The following CHIC1 variants were observed in gnomAD, a reference collection of about 807,000 sequenced individuals.
The protein encoded by CHIC1 is cysteine rich hydrophobic domain 1, also known as cysteine-rich hydrophobic domain-containing protein 1.
In CHIC1, 7 loss-of-function variants were observed where a neutral mutation model predicts 18.5. The ratio of observed to expected loss-of-function variants is 0.38; its 90% CI spans 0.22 to 0.71. CHIC1 has a LOEUF of 0.71. Ranked by LOEUF, CHIC1 falls within the 30% of genes least tolerant of loss-of-function variation. The probability of loss-of-function intolerance (pLI) is 0.49; values close to 1 mark genes in which losing one functional copy is unlikely to be tolerated. For synonymous variants in CHIC1, 77 were observed against 73.5 expected, an observed-to-expected ratio of 1.05 and a Z score of -0.25; for missense variants, 159 against 176.9, an observed-to-expected ratio of 0.90 and a Z score of 0.57.
intron 5 of CHIC1, 50 bp downstream of exon 5, chrX:73,679,763 C>A: frequency 2.9e-6 from 2 of 680,797 alleles, no homozygotes; most frequent in Non-Finnish European, 2.1e-6. Context: ...CTAAATGTAC[C>A]ATTTTCCTGT....
chrX:73,644,172 C>T (rs2057874545), intron 3 of CHIC1, among the ~76,000 whole-genome samples: 1 of 112,217 alleles, frequency 8.9e-6, no homozygotes, highest in Non-Finnish European at 1.9e-5. Flanking sequence ...GCGGTGGCTG[C>T]AGAACAGCGG....
rs764200010 is a variant in CHIC1, at chrX:73,608,471, G to A, written c.507+23899G>A. On this transcript the variant is annotated intron_variant, in intron 3 of 5. Coordinates refer to ENST00000373502, the MANE Select transcript of CHIC1 (RefSeq NM_001039840.4). ...ATTCTGATAGGGATTACATTCAATC[G>A]GTACATTTTTCGGGGGTAGTATTGT... Among the ~76,000 whole-genome samples the A allele has an allele frequency of 3.5e-4, 38 of 107,643 alleles. 5 individuals are homozygous for A. The highest frequency in any genetic ancestry group is 1.9e-3 in the South Asian group (5 of 2,601). 93.5% of individuals were successfully genotyped at this position (107,643 alleles called of 115,157 possible).
chrX:73,581,706 T>A (rs1447003447), intron 2 of CHIC1, among the ~76,000 whole-genome samples: 1 of 110,834 alleles, frequency 9.0e-6, no homozygotes, highest in African/African-American at 3.3e-5. Context: ...TCAAAAAAAA[T>A]TTGAATTCTC....
chrX:73,596,548 C>T (rs2057609943), intron 3 of CHIC1, among the ~76,000 whole-genome samples: 1 of 111,353 alleles, frequency 9.0e-6, no homozygotes, highest in South Asian at 3.7e-4. Flanking sequence ...ATATAGAACT[C>T]AAAAAGAGCC....
chrX:73,610,223 G>A (rs771021213), intron 3 of CHIC1, among the ~76,000 whole-genome samples: 1 of 109,261 alleles, frequency 9.2e-6, no homozygotes, highest in South Asian at 3.7e-4. Flanking sequence ...TTTTTTAATA[G>A]CAGTTTTTGT....
intron 3 of CHIC1, among the ~76,000 whole-genome samples, chrX:73,672,077 G>A (rs1164316221): frequency 9.0e-6 from 1 of 111,454 alleles, no homozygotes; most frequent in African/African-American, 3.3e-5. Context: ...GTTCATCCAT[G>A]TCCCTACATA....
In CHIC1 at chrX:73,623,839, G is replaced by A. The variant is rs754131666; in HGVS notation, c.507+39267G>A. Among the ~76,000 whole-genome samples the A allele has an allele frequency of 5.4e-5, 6 of 111,451 alleles. No individual in the cohort carries two copies. In the East Asian group the frequency reaches 1.7e-3, roughly 31 times the overall value. On this transcript the variant is annotated intron_variant, in intron 3 of 5. Coordinates refer to ENST00000373502, the MANE Select transcript of CHIC1 (RefSeq NM_001039840.4). ...ACTTTACTTTTTTGACAAAATATTT[G>A]ATTTAACCTTTTATTATTGTAAACC...
rs1430434520 is a variant in CHIC1 at position 73,686,140 on chromosome X, T to C, written c.*5135T>C. On this transcript the variant is annotated 3_prime_UTR_variant, in exon 6 of 6. Coordinates refer to ENST00000373502, the MANE Select transcript of CHIC1 (RefSeq NM_001039840.4). ...AAGAAATCCTATTATGTGCAACTTA[T>C]TAAATACTTGGGAACATGGGAAAAG... 9.0e-6 allele frequency: 1 copy of C among 111,449 alleles called. No homozygotes were observed. Among genetic ancestry groups the C allele is most frequent in the Non-Finnish European group, 1.9e-5 (1 of 52,897 alleles). 9.2% of individuals were successfully genotyped at this position (111,449 alleles called of 1,213,427 possible).
chrX:73,665,024 G>T lies in CHIC1; in HGVS notation c.508-14302G>T, dbSNP rs188401076. On this transcript the variant is annotated intron_variant, in intron 3 of 5. Transcript: ENST00000373502. ...TTTTATCTTTTTATAAACGTTAAAA[G>T]AAATGGGTTCATATACCTGATTGCC... is the stretch of plus-strand genomic sequence containing the variant. Among the ~76,000 whole-genome samples the T allele has an allele frequency of 3.5e-3, 393 of 112,204 alleles. 1 individual carries two copies. Among genetic ancestry groups the T allele is most frequent in the Middle Eastern group, 9.2e-3 (2 of 217 alleles).
chrX:73,674,486 A>T (rs1338456791), intron 3 of CHIC1, among the ~76,000 whole-genome samples: 2 of 111,813 alleles, frequency 1.8e-5, no homozygotes, highest in Admixed American at 1.9e-4. Flanking sequence ...CCAGGAATTT[A>T]TCCCTTTCTT....
At chrX:73,642,112 C>G (rs1361653005) in intron 3 of CHIC1, among the ~76,000 whole-genome samples, 1 of 111,684 alleles carries the variant, frequency 9.0e-6, no homozygotes, top group Admixed American at 9.5e-5. Flanking sequence ...CCACAAGGAT[C>G]GAACTAGTTT....
At chrX:73,661,631 G>A (rs1429353163) in intron 3 of CHIC1, among the ~76,000 whole-genome samples, 1 of 111,736 alleles carries the variant, frequency 8.9e-6, no homozygotes, top group Admixed American at 9.5e-5. Flanking sequence ...AGCAGTTGCT[G>A]AAGTCGAAGA....
intron 3 of CHIC1, among the ~76,000 whole-genome samples, chrX:73,630,738 TAATGCTGGC>T (rs759332282): frequency 2.9e-4 from 32 of 112,116 alleles, no homozygotes; most frequent in Non-Finnish European, 5.8e-4. Flanking sequence ...GGTATCAGGG[TAATGCTGGC>T]CTTGTAGAAT....
intron 3 of CHIC1, among the ~76,000 whole-genome samples, chrX:73,663,787 T>C (rs775005198): frequency 3.6e-5 from 4 of 111,417 alleles, no homozygotes; most frequent in East Asian, 2.8e-4. Flanking sequence ...TCCCTGGGCA[T>C]TGGGGACCCA....
chrX:73,591,188 C>T (rs994750861), intron 3 of CHIC1, among the ~76,000 whole-genome samples: 1 of 110,920 alleles, frequency 9.0e-6, no homozygotes, highest in African/African-American at 3.3e-5. Flanking sequence ...CATAGTCATA[C>T]GATATTGAGC....
intron 3 of CHIC1, among the ~76,000 whole-genome samples, chrX:73,672,288 A>T (rs923576801): frequency 8.9e-6 from 1 of 111,755 alleles, no homozygotes; most frequent in Non-Finnish European, 1.9e-5. Flanking sequence ...ATACCCAGTA[A>T]TGGGAAGGCT....
intron 3 of CHIC1, among the ~76,000 whole-genome samples, chrX:73,645,938 C>A (rs376177289): frequency 9.0e-6 from 1 of 111,434 alleles, no homozygotes; most frequent in African/African-American, 3.3e-5. Flanking sequence ...TTGTTGCCTG[C>A]GCTTTTACCA....
At chrX:73,576,914 A>T (rs1383335026) in intron 1 of CHIC1, among the ~76,000 whole-genome samples, 3 of 110,735 alleles carry the variant, frequency 2.7e-5, no homozygotes, top group Non-Finnish European at 1.9e-5. Flanking sequence ...CTGAATAGCA[A>T]CTGGTCACAA....
At chrX:73,568,256 T>TA (rs1460710190) in intron 1 of CHIC1, among the ~76,000 whole-genome samples, 1 of 111,484 alleles carries the variant, frequency 9.0e-6, no homozygotes, top group Non-Finnish European at 1.9e-5. Context: ...TGTGTCAGAG[T>TA]ATTATCTTAA....
Sources: gnomAD v4.1 joint callset for allele counts (sites outside exome capture counted in the v4.1 genomes callset) on GRCh38, gnomAD v4.1.1 for gene constraint, MANE v1.5 for transcripts, NCBI Gene and HGNC (gene_info 2026-07-23, HGNC 2026-07-21) for gene names.